PCM1: variants seen among roughly 807,000 people sequenced by gnomAD.
PCM1 encodes pericentriolar material 1, also known as pericentriolar material 1 protein.
Under a neutral mutation model 241.9 loss-of-function variants are expected in PCM1, and 157 were observed. The ratio of observed to expected loss-of-function variants is 0.65; its 90% CI spans 0.57 to 0.74. The LOEUF (loss-of-function observed/expected upper bound fraction) is 0.74, where lower values mean the gene tolerates loss of function less well. Ranked by LOEUF, PCM1 falls within the 30% of genes least tolerant of loss-of-function variation. PCM1 has a pLI of 0.00. For missense variants in PCM1, 3,478 were observed against 2,360.1 expected, an observed-to-expected ratio of 1.47 and a Z score of -9.81; for synonymous variants, 1,085 against 784.9, an observed-to-expected ratio of 1.38 and a Z score of -6.39.
At chr8:17,957,913 CTT>C (rs1480197646) in intron 13 of PCM1, 138 bp downstream of exon 13, 1 of 622,684 alleles carries the variant, frequency 1.6e-6, no homozygotes, top group Non-Finnish European at 2.8e-6. Context: ...ATTTTTAGCA[CTT>C]TACATGCTGT....
At chr8:17,998,859 G>A (rs2088011170) in intron 29 of PCM1, among the ~76,000 whole-genome samples, 1 of 152,116 alleles carries the variant, frequency 6.6e-6, no homozygotes, top group African/African-American at 2.4e-5. Flanking sequence ...GGCTAAGCTG[G>A]CCTTTAAACC....
At chr8:17,984,568 T>G (rs2081990189) in intron 24 of PCM1, among the ~76,000 whole-genome samples, 1 of 151,956 alleles carries the variant, frequency 6.6e-6, no homozygotes, top group African/African-American at 2.4e-5. Flanking sequence ...GACCTGAAGA[T>G]ATTAAATTAT....
At chr8:17,961,370 G>C (rs1455678739) in intron 15 of PCM1, among the ~76,000 whole-genome samples, 2 of 143,298 alleles carry the variant, frequency 1.4e-5, no homozygotes, top group Non-Finnish European at 3.0e-5. Flanking sequence ...GAGTGCAGTG[G>C]TGCAATCTCG....
intron 2 of PCM1, among the ~76,000 whole-genome samples, chr8:17,932,069 C>T (rs1305625858): frequency 6.6e-6 from 1 of 151,886 alleles, no homozygotes; most frequent in Non-Finnish European, 1.5e-5. Context: ...TTTTATATTA[C>T]TTTTTCCATG....
intron 30 of PCM1, among the ~76,000 whole-genome samples, chr8:18,007,623 A>G (rs187762213): frequency 6.6e-6 from 1 of 152,136 alleles, no homozygotes; most frequent in African/African-American, 2.4e-5. Flanking sequence ...CTTTTCTTTC[A>G]TCCCGTTCTT....
intron 35 of PCM1, among the ~76,000 whole-genome samples, chr8:18,014,279 A>G (rs2092895211): frequency 1.3e-5 from 2 of 152,136 alleles, no homozygotes; most frequent in Admixed American, 6.5e-5. Flanking sequence ...TGTCAAGAGC[A>G]TCGCATCTTT....
chr8:18,003,820 T>G (rs1564315283), intron 29 of PCM1, among the ~76,000 whole-genome samples: 1 of 152,116 alleles, frequency 6.6e-6, no homozygotes. Flanking sequence ...TATAGATTTT[T>G]TATATAGATA....
chr8:17,954,558 C>G (rs1360251040), intron 9 of PCM1, among the ~76,000 whole-genome samples: 1 of 151,956 alleles, frequency 6.6e-6, no homozygotes, highest in Non-Finnish European at 1.5e-5. Context: ...TTTTTTTCCT[C>G]ACTGGGAAGC....
intron 19 of PCM1, 40 bp downstream of exon 19, chr8:17,966,258 A>G (rs374219758): frequency 1.9e-6 from 3 of 1,608,204 alleles, no homozygotes; most frequent in South Asian, 1.1e-5. Flanking sequence ...GTCTATTTTT[A>G]TAACTTCTGA....
At chr8:17,936,479 G>C (rs191641446) in intron 3 of PCM1, among the ~76,000 whole-genome samples, 8 of 152,186 alleles carry the variant, frequency 5.3e-5, no homozygotes, top group African/African-American at 1.9e-4. Flanking sequence ...AAATAAAAAT[G>C]TTTTCTATTT....
chr8:18,010,080 T>C (rs1354327310), intron 31 of PCM1, among the ~76,000 whole-genome samples: 2 of 152,238 alleles, frequency 1.3e-5, no homozygotes, highest in East Asian at 3.8e-4. Context: ...ATGTCTGTTA[T>C]TGATCCCTGT....
rs755605306 is a variant in PCM1 at position 17,991,548 on chromosome 8, C to T, written c.4538C>T (p.Thr1513Ile). The part of the protein sequence containing the change: ...EPFATDDLGN[T>I]VIHLDQALAR... ...ATTTTTGTTCCAAATGTAGGTAACA[C>T]CGTGATTCACTTAGATCAAGCATTA... The change falls in exon 28 of 39, where the codon ACC becomes ATC. Residue 1513 changes from threonine to isoleucine, a missense_variant. Transcript: ENST00000325083. 2 of 1,598,860 alleles carry T rather than the reference C, an allele frequency of 1.3e-6. No individual in the cohort carries two copies. The highest frequency in any genetic ancestry group is 1.7e-6 in the Non-Finnish European group (2 of 1,171,980).
chr8:18,009,784 A>G (rs2092188443), intron 31 of PCM1, 40 bp downstream of exon 31: 1 of 1,203,208 alleles, frequency 8.3e-7, no homozygotes, highest in Non-Finnish European at 1.1e-6. Context: ...TAATTGACAC[A>G]TAAATACAGT....
chr8:17,970,879 T>G lies in PCM1; in HGVS notation c.3584+1131T>G, dbSNP rs1342468275. ...TTTCCCAAAATCTCAACTATTGTAA[T>G]TTCATGGAATTAAATGACTAGAGAT... On this transcript the variant is annotated intron_variant, in intron 22 of 38. Coordinates refer to ENST00000325083, the MANE Select transcript of PCM1 (RefSeq NM_006197.4). Among the ~76,000 whole-genome samples, 7 of 152,216 alleles carry G rather than the reference T, an allele frequency of 4.6e-5. 1 individual carries two copies. Among genetic ancestry groups the G allele is most frequent in the Non-Finnish European group, 1.5e-5 (1 of 68,028 alleles).
chr8:18,023,141 T>G (rs1052091160), intron 36 of PCM1, among the ~76,000 whole-genome samples: 2 of 152,246 alleles, frequency 1.3e-5, no homozygotes, highest in African/African-American at 4.8e-5. Context: ...TACTGGATTA[T>G]TCATCTTGTA....
chr8:17,944,457 T>G (rs1442541849), intron 6 of PCM1, among the ~76,000 whole-genome samples: 1 of 152,166 alleles, frequency 6.6e-6, no homozygotes. Flanking sequence ...GAACCTCAGT[T>G]GAGTAGAGGA....
At chr8:18,003,711 T>G (rs2090368020) in intron 29 of PCM1, among the ~76,000 whole-genome samples, 5 of 152,262 alleles carry the variant, frequency 3.3e-5, no homozygotes, top group Admixed American at 2.6e-4. Context: ...CATAAATACA[T>G]CAGTTTTACC....
chr8:17,957,686 G>C lies in PCM1; in HGVS notation c.1951G>C (p.Glu651Gln), dbSNP rs1459841140. ...GAGCAGTCTGGTTGATGAGCATCCA[G>C]AAGATGCTGAATTTGAACAGAAGAT... ...HRSSLVDEHP[E>Q]DAEFEQKINR... The change falls in exon 13 of 39, where the codon GAA (glutamate) becomes CAA (glutamine). Residue 651 changes from glutamate (E) to glutamine (Q), a missense_variant. Glu to Gln is a conservative substitution (Grantham distance 29). Transcript: ENST00000325083. The C allele has an allele frequency of 6.2e-7, 1 of 1,611,894 alleles. No individual in the cohort carries two copies. The highest frequency in any genetic ancestry group is 2.2e-5 in the East Asian group (1 of 44,820).
At chr8:17,972,219 T>C in intron 22 of PCM1, 110 bp from the exon 23 acceptor site, 1 of 536,956 alleles carries the variant, frequency 1.9e-6, no homozygotes, top group Non-Finnish European at 3.1e-6. Flanking sequence ...TTATAGCCTG[T>C]TGACAATTTT....
Sources: allele counts gnomAD v4.1 joint callset (sites outside exome capture counted in the v4.1 genomes callset), GRCh38; gene constraint gnomAD v4.1.1; transcripts MANE v1.5; gene names NCBI Gene and HGNC (gene_info 2026-07-23, HGNC 2026-07-21).